ZFHX3: variants seen among roughly 807,000 people sequenced by gnomAD.
ZFHX3 encodes zinc finger homeobox 3.
Under a neutral mutation model 279.1 loss-of-function variants are expected in ZFHX3, and 42 were observed. The observed-to-expected ratio is 0.15, with a 90% CI of 0.12 to 0.19. ZFHX3 has a LOEUF of 0.19. Among genes scored for constraint, ZFHX3 ranks in the 10% least tolerant of loss-of-function variants. The probability of loss-of-function intolerance (pLI) is 1.00; values close to 1 mark genes in which losing one functional copy is unlikely to be tolerated. For synonymous variants in ZFHX3, 2,293 were observed against 1,957.8 expected, an observed-to-expected ratio of 1.17 and a Z score of -4.52; for missense variants, 4,981 against 4,754.0, an observed-to-expected ratio of 1.05 and a Z score of -1.40.
chr16:73,058,564 CGCTGCTGGCGACGGCGGCGGCGGCGGGA>C (rs1965622273), exon 1 of ZFHX3: 2 of 207,984 alleles, frequency 9.6e-6, no homozygotes, highest in Non-Finnish European at 1.8e-5. Context: ...GCTGCAGCGG[CGCTGCTGGCGACGGCGGCGGCGGCGGGA>C]GCTGGCGGCG....
chr16:73,434,452 C>T (rs769968104), intron 3 of ZFHX3, among the ~76,000 whole-genome samples: 4 of 152,196 alleles, frequency 2.6e-5, no homozygotes, highest in Admixed American at 6.5e-5. Flanking sequence ...CAGTTATCTG[C>T]TTCATTTAAA....
At chr16:73,111,927 G>A (rs1191755811) in intron 7 of ZFHX3, among the ~76,000 whole-genome samples, 1 of 152,130 alleles carries the variant, frequency 6.6e-6, no homozygotes, top group African/African-American at 2.4e-5. Context: ...AAGGAACCTG[G>A]ATTCAAACTT....
At chr16:73,154,764 C>T (rs773940447) in intron 5 of ZFHX3, among the ~76,000 whole-genome samples, 1 of 151,888 alleles carries the variant, frequency 6.6e-6, no homozygotes, top group Admixed American at 6.6e-5. Flanking sequence ...CTTCATACTA[C>T]TAAAGATGGG....
At chr16:73,432,055 G>T (rs12446380) in intron 3 of ZFHX3, among the ~76,000 whole-genome samples, 140,250 of 152,252 alleles carry the variant, frequency 0.92, 64,637 homozygotes, top group African/African-American at 0.94. Context: ...TGAGCACAGG[G>T]GAAATTTTCA....
At position 73,509,150 on chromosome 16, in the gene ZFHX3, A is replaced by G. The variant is rs1028411527; in HGVS notation, c.-1546-52892T>C. 2.0e-5 allele frequency among the ~76,000 whole-genome samples: 3 copies of G among 152,330 alleles called. No homozygotes were observed. In the East Asian group the frequency reaches 5.8e-4, roughly 29 times the overall value. On this transcript the variant is annotated intron_variant, in intron 2 of 17. Transcript: ENST00000641206. ...TGATTCTCATAGAAGCAAGTTGATCACAACGGTGACTACTGGAATGGAATG... is the reference window on the plus strand; with the variant it reads ...TGATTCTCATAGAAGCAAGTTGATCGCAACGGTGACTACTGGAATGGAATG...
Position 72,810,099 on chromosome 16 carries a change from T to C in ZFHX3, c.3864+1478A>G, listed in dbSNP as rs909523877. Among the ~76,000 whole-genome samples the C allele has an allele frequency of 2.6e-5, 4 of 152,136 alleles. No individual in the cohort carries two copies. The East Asian group carries it at 7.7e-4, about 29-fold the overall frequency. Reference sequence around the variant, plus strand: ...CAGGGTTTCACCGTGTTAGCCAGGATGGTCTCGATCTCCTGACCTCGTGAT... The same window carrying C: ...CAGGGTTTCACCGTGTTAGCCAGGACGGTCTCGATCTCCTGACCTCGTGAT... On this transcript the variant is annotated intron_variant, in intron 7 of 9. Coordinates refer to ENST00000268489, the MANE Select transcript of ZFHX3 (RefSeq NM_006885.4).
chr16:73,288,539 G>A (rs968011303), intron 4 of ZFHX3, among the ~76,000 whole-genome samples: 1 of 152,134 alleles, frequency 6.6e-6, no homozygotes, highest in Admixed American at 6.5e-5. Flanking sequence ...GTGCGTCTAG[G>A]CTCTGTGACT....
intron 1 of ZFHX3, among the ~76,000 whole-genome samples, chr16:73,764,473 CA>C (rs2053906354): frequency 6.6e-6 from 1 of 152,148 alleles, no homozygotes; most frequent in Admixed American, 6.5e-5. Context: ...CTTTATCCTC[CA>C]TAGGGAAGCA....
chr16:73,881,213 C>G (rs543844440), intron 1 of ZFHX3, among the ~76,000 whole-genome samples: 1 of 152,218 alleles, frequency 6.6e-6, no homozygotes, highest in Admixed American at 6.5e-5. Flanking sequence ...CCGCTGATAT[C>G]TCAGAGAAAC....
chr16:73,451,565 A>G (rs2143559946), intron 3 of ZFHX3, among the ~76,000 whole-genome samples: 1 of 152,340 alleles, frequency 6.6e-6, no homozygotes, highest in Admixed American at 6.5e-5. Flanking sequence ...AAGCATCGGT[A>G]TTTTTGCTAC....
At position 72,787,351 on chromosome 16, in the gene ZFHX3, G is replaced by A. The variant is rs2035435487; in HGVS notation, c.10925C>T (p.Thr3642Ile). The A allele has an allele frequency of 6.2e-7, 1 of 1,613,230 alleles. No individual in the cohort carries two copies. Among genetic ancestry groups the A allele is most frequent in the Non-Finnish European group, 8.5e-7 (1 of 1,179,636 alleles). The change falls in exon 10 of 10, where the codon ACC becomes ATC. Residue 3642 changes from threonine to isoleucine, a missense_variant. Coordinates refer to ENST00000268489, the MANE Select transcript of ZFHX3 (RefSeq NM_006885.4). ...CCCTGAGGTGCTGCATGAACTTGAG[G>A]TAACCGTTGAAGATGAGGAGAGAGG... ...FPPLSSSSTV[T>I]SSSCSTSGVQ...
chr16:73,396,108 A>G (rs11642077), intron 3 of ZFHX3, among the ~76,000 whole-genome samples: 109,103 of 152,104 alleles, frequency 0.72, 40,392 homozygotes, highest in Non-Finnish European at 0.83. Context: ...TGGCTGAAGG[A>G]CCTAAATGGA....
At chr16:73,429,619 C>T (rs1041021274) in intron 3 of ZFHX3, among the ~76,000 whole-genome samples, 1 of 152,158 alleles carries the variant, frequency 6.6e-6, no homozygotes, top group Non-Finnish European at 1.5e-5. Flanking sequence ...GGGCATGAGC[C>T]ACCGCACCAG....
At chr16:73,190,589 CT>C (rs574043599) in intron 5 of ZFHX3, among the ~76,000 whole-genome samples, 4 of 152,222 alleles carry the variant, frequency 2.6e-5, no homozygotes, top group Non-Finnish European at 5.9e-5. Context: ...TGAAGAGGAT[CT>C]TTCATGACAG....
chr16:73,548,628 A>G (rs1300320973), intron 2 of ZFHX3, among the ~76,000 whole-genome samples: 1 of 152,064 alleles, frequency 6.6e-6, no homozygotes, highest in Non-Finnish European at 1.5e-5. Context: ...TTTAAAAATC[A>G]TCTTTAAACA....
intron 7 of ZFHX3, chr16:73,125,100 C>A (rs1966546654): frequency 6.6e-6 from 1 of 151,910 alleles, no homozygotes; most frequent in South Asian, 2.1e-4. Context: ...ATAGGAAAGC[C>A]CTGATCATGT....
chr16:73,763,480 T>C (rs1470173288), intron 1 of ZFHX3, among the ~76,000 whole-genome samples: 1 of 152,316 alleles, frequency 6.6e-6, no homozygotes, highest in Non-Finnish European at 1.5e-5. Context: ...AAGACACTTC[T>C]TTTCCTGTTC....
Position 73,471,627 on chromosome 16 carries a change from A to C in ZFHX3, c.-1546-15369T>G, listed in dbSNP as rs147390734. ...CATCTTCAGTTTTACCCTTCACTGC[A>C]CATCCAACTGACTTGGGTGAGAGGA... On this transcript the variant is annotated intron_variant, in intron 2 of 17. Transcript: ENST00000641206. Among the ~76,000 whole-genome samples the C allele has an allele frequency of 1.4e-4, 21 of 152,278 alleles. No homozygotes were observed. The East Asian group carries it at 3.9e-3, about 28-fold the overall frequency.
rs79681543 is a variant in ZFHX3 at position 73,703,845 on chromosome 16, C to T, written c.-1607-23605G>A. On this transcript the variant is annotated intron_variant, in intron 1 of 17. Coordinates refer to the ZFHX3 transcript ENST00000641206. ...TGGTACGTTTTTGAGGGATCCGAGT[C>T]GTAACGAGGCCTGCTGAGTTTGTTA... 8.9e-4 allele frequency among the ~76,000 whole-genome samples: 136 copies of T among 152,226 alleles called. 2 individuals are homozygous for T. The East Asian group carries it at 0.023, about 26-fold the overall frequency.
Sources: gnomAD v4.1 joint callset for allele counts (sites outside exome capture counted in the v4.1 genomes callset) on GRCh38, gnomAD v4.1.1 for gene constraint, MANE v1.5 for transcripts, NCBI Gene and HGNC (gene_info 2026-07-23, HGNC 2026-07-21) for gene names.